KIAA1217: variants seen among roughly 807,000 people sequenced by gnomAD.
KIAA1217 encodes sickle tail protein homolog.
A neutral mutation model predicts 163.9 loss-of-function variants in KIAA1217; 88 were observed. That is an observed-to-expected ratio of 0.54 (90% CI 0.45 to 0.64). KIAA1217 has a LOEUF of 0.64. Among genes scored for constraint, KIAA1217 ranks in the 30% least tolerant of loss-of-function variants. KIAA1217 has a pLI of 0.00. For missense variants in KIAA1217, 2,372 were observed against 2,475.0 expected, an observed-to-expected ratio of 0.96 and a Z score of 0.88; for synonymous variants, 903 against 923.1, an observed-to-expected ratio of 0.98 and a Z score of 0.39.
intron 1 of KIAA1217, among the ~76,000 whole-genome samples, chr10:23,750,615 G>A (rs1839684612): frequency 6.6e-6 from 1 of 152,100 alleles, no homozygotes; most frequent in Non-Finnish European, 1.5e-5. Context: ...TAGACAGAAT[G>A]AATGCCTTTG....
chr10:24,215,100 C>A (rs2130761345), intron 1 of KIAA1217, among the ~76,000 whole-genome samples: 1 of 152,338 alleles, frequency 6.6e-6, no homozygotes, highest in Middle Eastern at 3.4e-3. Flanking sequence ...TGCTTTCTTT[C>A]CAGAATGCCA....
Position 24,543,164 on chromosome 10 carries a change from C to G in KIAA1217, c.3894C>G (p.Asn1298Lys). 1 of 1,613,558 alleles carries G rather than the reference C, an allele frequency of 6.2e-7. No homozygotes were observed. Among genetic ancestry groups the G allele is most frequent in the Non-Finnish European group, 8.5e-7 (1 of 1,179,976 alleles). Residue 1298 changes from asparagine to lysine, a missense_variant, in exon 19 of 21, where the codon AAC becomes AAG. Transcript: ENST00000376454. ...GLQYSIPDTE[N>K]QTLNYGKTKE... ...AATACTCTATACCTGACACCGAGAACCAGACGCTGAATTACGGAAAGACAA... is the reference window on the plus strand; with the variant it reads ...AATACTCTATACCTGACACCGAGAAGCAGACGCTGAATTACGGAAAGACAA...
rs137966194 is a variant in KIAA1217, at chr10:23,895,528, C to G, written c.-320-111697C>G. On this transcript the variant is annotated intron_variant, in intron 1 of 18. Transcript: ENST00000376462. ...GAGAGGATGTGGAGAAATAGGAACA[C>G]TTTTACACTGTTGGTGGACTGTAAA... Among the ~76,000 whole-genome samples the G allele has an allele frequency of 9.0e-3, 1,372 of 152,220 alleles. 24 individuals carry two copies. The highest frequency in any genetic ancestry group is 0.031 in the African/African-American group (1,280 of 41,522).
At position 24,267,677 on chromosome 10, in the gene KIAA1217, T is replaced by C. The variant is rs73604461; in HGVS notation, c.354+47768T>C. 3.5e-3 allele frequency among the ~76,000 whole-genome samples: 534 copies of C among 152,296 alleles called. 3 individuals are homozygous for C. Among genetic ancestry groups the C allele is most frequent in the African/African-American group, 0.012 (510 of 41,572 alleles). On this transcript the variant is annotated intron_variant, in intron 2 of 20. Coordinates refer to ENST00000376454, the MANE Select transcript of KIAA1217 (RefSeq NM_019590.5). Reference sequence around the variant, plus strand: ...GACTGCTGATAAAGCTAAATAGACTTTTTTAGAGTGTTCCATTATTTTTGT... The same window carrying C: ...GACTGCTGATAAAGCTAAATAGACTCTTTTAGAGTGTTCCATTATTTTTGT...
intron 3 of KIAA1217, among the ~76,000 whole-genome samples, chr10:24,391,606 A>G (rs2054998490): frequency 6.6e-6 from 1 of 151,908 alleles, no homozygotes; most frequent in Non-Finnish European, 1.5e-5. Context: ...CAGCCTCCCA[A>G]AGTGATGGGA....
chr10:24,045,687 T>C (rs1328242186), intron 2 of KIAA1217, among the ~76,000 whole-genome samples: 2 of 152,204 alleles, frequency 1.3e-5, no homozygotes, highest in Non-Finnish European at 2.9e-5. Flanking sequence ...CATTATTTTC[T>C]GTATATAAGC....
chr10:23,942,576 T>G (rs1343999173), intron 1 of KIAA1217, among the ~76,000 whole-genome samples: 2 of 152,128 alleles, frequency 1.3e-5, no homozygotes, highest in African/African-American at 2.4e-5. Flanking sequence ...TCTCTAAATT[T>G]ATGAAAAACC....
At chr10:23,815,584 C>T (rs1466850883) in intron 1 of KIAA1217, among the ~76,000 whole-genome samples, 3 of 152,132 alleles carry the variant, frequency 2.0e-5, no homozygotes, top group Non-Finnish European at 2.9e-5. Flanking sequence ...GCAGAGCTTG[C>T]AGTGAGCTGA....
At chr10:24,118,723 G>T (rs1348058800) in intron 2 of KIAA1217, among the ~76,000 whole-genome samples, 7 of 150,786 alleles carry the variant, frequency 4.6e-5, no homozygotes, top group Non-Finnish European at 8.9e-5. Flanking sequence ...TTTTTTAAAG[G>T]CAGCTTTGTT....
intron 6 of KIAA1217, among the ~76,000 whole-genome samples, chr10:24,486,084 C>T (rs1271657803): frequency 1.3e-5 from 2 of 152,244 alleles, no homozygotes; most frequent in Admixed American, 1.3e-4. Context: ...TGGCTCCAGC[C>T]ATTGCTCTCG....
intron 4 of KIAA1217, among the ~76,000 whole-genome samples, chr10:24,433,912 A>G (rs180920802): frequency 1.7e-4 from 25 of 151,244 alleles, no homozygotes; most frequent in African/African-American, 6.1e-4. Flanking sequence ...GCCTTTCCCC[A>G]GGGCCCCCAG....
intron 2 of KIAA1217, among the ~76,000 whole-genome samples, chr10:24,051,279 T>C (rs997864430): frequency 6.6e-6 from 1 of 152,108 alleles, no homozygotes; most frequent in Non-Finnish European, 1.5e-5. Context: ...TGAGTAGTAT[T>C]CCACATTTTC....
At chr10:23,906,254 G>GCACA (rs150497888) in intron 1 of KIAA1217, among the ~76,000 whole-genome samples, 3,370 of 148,822 alleles carry the variant, frequency 0.023, 69 homozygotes, top group African/African-American at 0.055. Flanking sequence ...ACCATAGGAA[G>GCACA]CACACACACA....
chr10:24,221,507 G>A, intron 2 of KIAA1217, among the ~76,000 whole-genome samples: 1 of 152,126 alleles, frequency 6.6e-6, no homozygotes, highest in East Asian at 1.9e-4. Flanking sequence ...ATGGAGATTG[G>A]CATCAGCCCG....
At chr10:24,435,853 T>C (rs1772778026) in intron 4 of KIAA1217, among the ~76,000 whole-genome samples, 1 of 152,034 alleles carries the variant, frequency 6.6e-6, no homozygotes, top group Non-Finnish European at 1.5e-5. Flanking sequence ...AGTTGTAGTA[T>C]GGATAGCCTA....
intron 2 of KIAA1217, among the ~76,000 whole-genome samples, chr10:24,049,615 T>C (rs1357194265): frequency 6.6e-6 from 1 of 152,146 alleles, no homozygotes; most frequent in South Asian, 2.1e-4. Context: ...GCTTCATCCA[T>C]GTCCCTGCAA....
chr10:24,052,939 T>C (rs1253483810), intron 2 of KIAA1217, among the ~76,000 whole-genome samples: 1 of 152,110 alleles, frequency 6.6e-6, no homozygotes, highest in Non-Finnish European at 1.5e-5. Context: ...TGGCCACATA[T>C]GGGTAGGAGA....
intron 8 of KIAA1217, among the ~76,000 whole-genome samples, chr10:24,496,402 G>T (rs1188085639): frequency 1.3e-5 from 2 of 152,222 alleles, no homozygotes; most frequent in African/African-American, 4.8e-5. Context: ...TTTTTAAAAT[G>T]GATTGTAAAC....
chr10:24,336,552 C>A (rs1414314009), intron 2 of KIAA1217, among the ~76,000 whole-genome samples: 1 of 152,140 alleles, frequency 6.6e-6, no homozygotes, highest in African/African-American at 2.4e-5. Context: ...ACGATGTGAA[C>A]CTGAGCACTA....
Sources: gnomAD v4.1 joint callset for allele counts (sites outside exome capture counted in the v4.1 genomes callset) on GRCh38, gnomAD v4.1.1 for gene constraint, MANE v1.5 for transcripts, NCBI Gene and HGNC (gene_info 2026-07-23, HGNC 2026-07-21) for gene names.